Variants in GNA12 observed in about 807,000 individuals in gnomAD.
GNA12 encodes G protein subunit alpha 12.
Under a neutral mutation model 26.0 loss-of-function variants are expected in GNA12, and 9 were observed. The ratio of observed to expected loss-of-function variants is 0.35; its 90% CI spans 0.21 to 0.60. The LOEUF is 0.60. Ranked by LOEUF, GNA12 falls within the 20% of genes least tolerant of loss-of-function variation. The pLI is 0.78. For missense variants in GNA12, 405 were observed against 525.8 expected, an observed-to-expected ratio of 0.77 and a Z score of 2.25; for synonymous variants, 264 against 219.6, an observed-to-expected ratio of 1.20 and a Z score of -1.79.
chr7:2,836,259 A>G (rs970044901), intron 1 of GNA12, among the ~76,000 whole-genome samples: 1 of 152,222 alleles, frequency 6.6e-6, no homozygotes, highest in Admixed American at 6.5e-5. Flanking sequence ...AGCCCCAGAC[A>G]CTGAGTAAAA....
At chr7:2,760,563 G>A (rs1791508383) in intron 2 of GNA12, 3 of 152,328 alleles carry the variant, frequency 2.0e-5, no homozygotes, top group South Asian at 4.1e-4. Context: ...ATGGCACCAC[G>A]TCACATCAGG....
Position 2,731,277 on chromosome 7 carries a change from G to C in GNA12, c.1050C>G (p.Phe350Leu). 6.2e-7 allele frequency: 1 copy of C among 1,611,984 alleles called. No individual in the cohort carries two copies. Among genetic ancestry groups the C allele is most frequent in the Non-Finnish European group, 8.5e-7 (1 of 1,179,242 alleles). Reference protein sequence around the residue: ...RNRSKPLFHHFTTAIDTENVR... With the variant: ...RNRSKPLFHHLTTAIDTENVR... Reference sequence around the variant, plus strand: ...CGTTCTCGGTGTCGATGGCGGTGGTGAAGTGGTGGAAGAGTGGCTTGCTGC... The same window carrying C: ...CGTTCTCGGTGTCGATGGCGGTGGTCAAGTGGTGGAAGAGTGGCTTGCTGC... Residue 350 changes from phenylalanine (F) to leucine (L), a missense_variant, in exon 4 of 4, where the codon TTC becomes TTG. Phe to Leu is a conservative substitution (Grantham distance 22). Coordinates refer to ENST00000275364, the MANE Select transcript of GNA12 (RefSeq NM_007353.3). This position sits in a 1 kb window ranked among gnomAD's most constrained non-coding sequence, Gnocchi z 6.0.
intron 2 of GNA12, among the ~76,000 whole-genome samples, chr7:2,752,405 G>A (rs1791085442): frequency 6.6e-6 from 1 of 152,188 alleles, no homozygotes; most frequent in Non-Finnish European, 1.5e-5. Context: ...CACTTTTACT[G>A]CTTCTGGTCA....
intron 1 of GNA12, among the ~76,000 whole-genome samples, chr7:2,834,730 C>T (rs1301721956): frequency 6.6e-6 from 1 of 152,184 alleles, no homozygotes; most frequent in Non-Finnish European, 1.5e-5. Context: ...AGCACGTTTT[C>T]TATGTTTAGA....
intron 1 of GNA12, among the ~76,000 whole-genome samples, chr7:2,805,921 A>G (rs1792935550): frequency 6.6e-6 from 1 of 152,214 alleles, no homozygotes; most frequent in Non-Finnish European, 1.5e-5. Flanking sequence ...GCCCAGCTGA[A>G]CTGAGAGGTA....
At position 2,843,872 on chromosome 7, in the gene GNA12, A is replaced by T; in HGVS notation, c.290T>A (p.Ile97Asn). The change falls in exon 1 of 4, where the codon ATC becomes AAC. Residue 97 changes from isoleucine to asparagine, a missense_variant. Ile to Asn is a moderately radical substitution (Grantham distance 149, BLOSUM62 -3). Transcript: ENST00000275364. ...CGTCACCTTGAGGATGTTGTCGAAG[A>T]TGGTGTCGCGGAACTCCAGCAGCGC... ...QKALLEFRDT[I>N]FDNILKGSRV... The T allele has an allele frequency of 6.5e-7, 1 of 1,544,012 alleles. No individual in the cohort carries two copies. Among genetic ancestry groups the T allele is most frequent in the Non-Finnish European group, 8.7e-7 (1 of 1,144,248 alleles).
At chr7:2,832,553 G>A (rs1031882504) in intron 1 of GNA12, among the ~76,000 whole-genome samples, 19 of 152,126 alleles carry the variant, frequency 1.2e-4, no homozygotes, top group African/African-American at 3.6e-4. Flanking sequence ...AGTGTTCCTC[G>A]GGCTTAGTTT....
chr7:2,831,378 A>T (rs1038637367), intron 1 of GNA12, among the ~76,000 whole-genome samples: 3 of 151,690 alleles, frequency 2.0e-5, no homozygotes, highest in East Asian at 1.9e-4. Flanking sequence ...CCCCACCCTA[A>T]AACTAAAATT....
intron 2 of GNA12, among the ~76,000 whole-genome samples, chr7:2,745,348 G>C (rs1187587104): frequency 2.0e-5 from 3 of 152,236 alleles, no homozygotes; most frequent in Non-Finnish European, 2.9e-5. Context: ...AGCCAGAAGA[G>C]AGTGGGGGCC....
chr7:2,814,991 G>A (rs1411547105), intron 1 of GNA12: 10 of 1,547,262 alleles, frequency 6.5e-6, no homozygotes, highest in Non-Finnish European at 8.7e-6. Flanking sequence ...GGACGTCACT[G>A]TATCCAGGTC....
chr7:2,733,380 G>C (rs1394442721), intron 3 of GNA12, 71 bp downstream of exon 3: 3 of 1,251,984 alleles, frequency 2.4e-6, no homozygotes, highest in Admixed American at 4.0e-5. Flanking sequence ...TCACAACGTG[G>C]ACTGCTTTGG....
intron 2 of GNA12, among the ~76,000 whole-genome samples, chr7:2,780,048 G>GTGTGTATATATATATGTA (rs748113158): frequency 1.2e-5 from 1 of 84,734 alleles, no homozygotes; most frequent in Non-Finnish European, 2.2e-5. Context: ...ACATTTCTGT[G>GTGTGTATATATATATGTA]TACATATATA....
chr7:2,825,341 A>G (rs569299057), intron 1 of GNA12, among the ~76,000 whole-genome samples: 4 of 152,282 alleles, frequency 2.6e-5, no homozygotes, highest in African/African-American at 9.6e-5. Flanking sequence ...CGCTGCTACA[A>G]TCTATACAGG....
intron 1 of GNA12, among the ~76,000 whole-genome samples, chr7:2,801,999 T>A (rs2115467968): frequency 6.6e-6 from 1 of 152,276 alleles, no homozygotes; most frequent in Admixed American, 6.5e-5. Flanking sequence ...AATACTAGTA[T>A]AGGAGGCATA....
intron 2 of GNA12, among the ~76,000 whole-genome samples, chr7:2,752,869 G>A (rs1200761038): frequency 6.6e-6 from 1 of 152,162 alleles, no homozygotes. Flanking sequence ...CAGAACCAGG[G>A]AACTGACGTT....
chr7:2,743,720 G>A (rs143901826), intron 2 of GNA12, among the ~76,000 whole-genome samples: 3,250 of 152,256 alleles, frequency 0.021, 49 homozygotes, highest in Non-Finnish European at 0.032. Flanking sequence ...GAAGCAGGGC[G>A]AGGCACTGCC....
rs566907859 is a variant in GNA12 at position 2,824,537 on chromosome 7, G to A, written c.309+19316C>T. Among the ~76,000 whole-genome samples the A allele has an allele frequency of 5.9e-5, 9 of 152,270 alleles. No individual in the cohort carries two copies. The East Asian group carries it at 7.7e-4, about 13-fold the overall frequency. ...GTTGCTTTCTAACATTTCATAAGACGTGCCTGTTTACCCTGTGGATCGTCT... is the reference window on the plus strand; with the variant it reads ...GTTGCTTTCTAACATTTCATAAGACATGCCTGTTTACCCTGTGGATCGTCT... On this transcript the variant is annotated intron_variant, in intron 1 of 3. Coordinates refer to ENST00000275364, the MANE Select transcript of GNA12 (RefSeq NM_007353.3).
chr7:2,821,458 A>G (rs143303513), intron 1 of GNA12, among the ~76,000 whole-genome samples: 1 of 152,320 alleles, frequency 6.6e-6, no homozygotes, highest in Non-Finnish European at 1.5e-5. Flanking sequence ...ACTTACAGAG[A>G]AGAATGAATA....
At chr7:2,784,220 G>A (rs1792303892) in intron 2 of GNA12, among the ~76,000 whole-genome samples, 1 of 152,096 alleles carries the variant, frequency 6.6e-6, no homozygotes, top group Non-Finnish European at 1.5e-5. Context: ...CAGGCTCATG[G>A]GATCCTCCCA....
Sources: allele counts gnomAD v4.1 joint callset (sites outside exome capture counted in the v4.1 genomes callset), GRCh38; gene constraint gnomAD v4.1.1; non-coding constraint Gnocchi (gnomAD v3.1); transcripts MANE v1.5; gene names NCBI Gene and HGNC (gene_info 2026-07-23, HGNC 2026-07-21).